The following MYO18B variants were observed in gnomAD, a reference collection of about 807,000 sequenced individuals.
MYO18B encodes the protein myosin XVIIIB.
MYO18B carries 204 observed loss-of-function variants against 273.0 expected under a neutral mutation model. The observed-to-expected ratio is 0.75, with a 90% CI of 0.67 to 0.84. The LOEUF (loss-of-function observed/expected upper bound fraction) is 0.84. MYO18B is among the 40% of genes least tolerant of loss of function. The pLI, the probability that MYO18B is intolerant of heterozygous loss-of-function variation, is 0.00. For missense variants in MYO18B, 3,212 were observed against 3,287.6 expected, an observed-to-expected ratio of 0.98 and a Z score of 0.56; for synonymous variants, 1,330 against 1,305.7, an observed-to-expected ratio of 1.02 and a Z score of -0.40.
At chr22:25,869,430 A>G (rs1164537932) in intron 22 of MYO18B, among the ~76,000 whole-genome samples, 1 of 144,092 alleles carries the variant, frequency 6.9e-6, no homozygotes, top group Non-Finnish European at 1.5e-5. Context: ...AGCCTGGGCA[A>G]TAGAACAATA....
intron 39 of MYO18B, among the ~76,000 whole-genome samples, chr22:25,979,099 C>T (rs1404491901): frequency 6.6e-6 from 1 of 152,132 alleles, no homozygotes; most frequent in African/African-American, 2.4e-5. Context: ...TAAATTGTTC[C>T]CACGCTACAC....
intron 12 of MYO18B, among the ~76,000 whole-genome samples, chr22:25,801,841 A>G (rs2088209453): frequency 6.6e-6 from 1 of 152,210 alleles, no homozygotes; most frequent in South Asian, 2.1e-4. Context: ...AGTTTCACGC[A>G]TATTCCTCAG....
intron 12 of MYO18B, among the ~76,000 whole-genome samples, chr22:25,817,086 G>T (rs558432283): frequency 6.6e-6 from 1 of 152,118 alleles, no homozygotes; most frequent in African/African-American, 2.4e-5. Context: ...TCTCTCTCTC[G>T]CTCTCATTTT....
Position 25,780,114 on chromosome 22 carries a change from C to T in MYO18B, c.2127C>T (p.Ala709=). The change falls in exon 9 of 44, where the codon GCC becomes GCT. Residue 709 remains alanine (A), a synonymous_variant. Transcript: ENST00000335473. ...VLRAFGSVSM[A]HSRSATRFSM... is the part of the protein sequence containing the mutation. The stretch of plus-strand genomic sequence containing the variant: ...GGGCCTTCGGCTCTGTGTCCATGGC[C>T]CACAGCCGCAGTGCCACCCGGTTCT... 6.2e-7 allele frequency: 1 copy of T among 1,602,950 alleles called. No individual in the cohort carries two copies. Among genetic ancestry groups the T allele is most frequent in the Non-Finnish European group, 8.5e-7 (1 of 1,175,640 alleles).
At chr22:25,982,788 C>G (rs1356819380) in intron 39 of MYO18B, among the ~76,000 whole-genome samples, 1 of 152,178 alleles carries the variant, frequency 6.6e-6, no homozygotes, top group Non-Finnish European at 1.5e-5. Flanking sequence ...CCTTAAGATA[C>G]TCATATCTGC....
At chr22:25,799,131 T>TTGTGTGTG (rs61488241) in intron 12 of MYO18B, among the ~76,000 whole-genome samples, 37,123 of 144,998 alleles carry the variant, frequency 0.26, 5,624 homozygotes, top group Non-Finnish European at 0.34. Flanking sequence ...GTGTTTACGT[T>TTGTGTGTG]TGTGTGTGTG....
In MYO18B at chr22:25,766,364, CTAT is replaced by C. The variant is rs1188572622; in HGVS notation, c.199-1743_199-1741del. Among the ~76,000 whole-genome samples the C allele has an allele frequency of 1.4e-4, 21 of 152,104 alleles. 1 individual carries two copies. Among genetic ancestry groups the C allele is most frequent in the Non-Finnish European group, 4.4e-5 (3 of 68,020 alleles). On this transcript the variant is annotated intron_variant, in intron 3 of 43. Transcript: ENST00000335473. ...GCAAGGAAGATATAAATGATAGATA[CTAT>C]TATTATTGTGATTATTACAAAGATG...
intron 11 of MYO18B, among the ~76,000 whole-genome samples, chr22:25,791,742 G>C (rs145571704): frequency 6.6e-6 from 1 of 152,276 alleles, no homozygotes; most frequent in Admixed American, 6.5e-5. Flanking sequence ...GTTGTCAACT[G>C]TTAGGGAATG....
At position 26,026,887 on chromosome 22, in the gene MYO18B, G is replaced by T; in HGVS notation, c.6913G>T (p.Val2305Phe). 2 of 1,604,334 alleles carry T rather than the reference G, an allele frequency of 1.2e-6. No homozygotes were observed. The highest frequency in any genetic ancestry group is 1.7e-6 in the Non-Finnish European group (2 of 1,174,510). ...TGACGAGGGAAACCTCTCGCTGAGG[G>T]TTGGGGCAAAGTCACCCCTGGAAAT... is the stretch of plus-strand genomic sequence containing the variant. ...GSDEGNLSLR[V>F]GAKSPLEIEG... is the part of the protein sequence containing the mutation. Residue 2305 changes from valine (V) to phenylalanine (F), a missense_variant, in exon 43 of 44, where the codon GTT becomes TTT. Transcript: ENST00000335473.
intron 12 of MYO18B, among the ~76,000 whole-genome samples, chr22:25,820,246 A>T (rs2089225477): frequency 6.6e-6 from 1 of 151,848 alleles, no homozygotes; most frequent in Non-Finnish European, 1.5e-5. Context: ...TGACCAGTGC[A>T]GAGTAATTGG....
intron 11 of MYO18B, among the ~76,000 whole-genome samples, chr22:25,787,486 G>A (rs1337491248): frequency 6.6e-6 from 1 of 152,148 alleles, no homozygotes; most frequent in Non-Finnish European, 1.5e-5. Flanking sequence ...GTGAGGTGAT[G>A]TGTCTGCCCC....
chr22:25,959,858 C>T (rs937808723), intron 39 of MYO18B, among the ~76,000 whole-genome samples: 2 of 152,186 alleles, frequency 1.3e-5, no homozygotes, highest in Non-Finnish European at 2.9e-5. Context: ...CACCAGGTCA[C>T]CCTGCTGCCC....
At position 25,946,180 on chromosome 22, in the gene MYO18B, A is replaced by C. The variant is rs373225272; in HGVS notation, c.5561A>C (p.Gln1854Pro). Reference sequence around the variant, plus strand: ...AAGTGTGAGGAGGCCTTGAAGACGCAGAAGGTGCTCACAGCGGACCTGGAG... The same window carrying C: ...AAGTGTGAGGAGGCCTTGAAGACGCCGAAGGTGCTCACAGCGGACCTGGAG... ...EAKCEEALKT[Q>P]KVLTADLESM... The change falls in exon 35 of 44, where the codon CAG becomes CCG. Residue 1854 changes from glutamine (Q) to proline (P), a missense_variant. Gln to Pro is a moderately conservative substitution (Grantham distance 76). Transcript: ENST00000335473. The C allele has an allele frequency of 7.0e-6, 11 of 1,580,712 alleles. No individual in the cohort carries two copies. Among genetic ancestry groups the C allele is most frequent in the Non-Finnish European group, 8.6e-6 (10 of 1,166,278 alleles).
chr22:25,930,002 C>A (rs1167662076), intron 34 of MYO18B, among the ~76,000 whole-genome samples: 2 of 152,158 alleles, frequency 1.3e-5, no homozygotes, highest in Admixed American at 6.5e-5. Context: ...TTGGCACCTA[C>A]CCTCCTGTCA....
chr22:26,019,501 G>A (rs141337839), intron 42 of MYO18B, among the ~76,000 whole-genome samples: 120 of 152,316 alleles, frequency 7.9e-4, no homozygotes, highest in African/African-American at 2.8e-3. Flanking sequence ...CTAATGATGT[G>A]CTATTTACCT....
intron 9 of MYO18B, 113 bp downstream of exon 9, chr22:25,780,311 G>T (rs1601671426): frequency 7.7e-7 from 1 of 1,302,240 alleles, no homozygotes; most frequent in East Asian, 2.6e-5. Flanking sequence ...GTCTGAAATG[G>T]TCATGGCGGT....
chr22:26,003,427 G>A (rs1200283906), intron 41 of MYO18B, 118 bp downstream of exon 41: 3 of 849,306 alleles, frequency 3.5e-6, no homozygotes, highest in Non-Finnish European at 5.9e-6. Context: ...ATGCCCATGA[G>A]ACTAATGCCT....
chr22:25,852,647 C>T lies in MYO18B; in HGVS notation c.3885+1068C>T, dbSNP rs1601355015. On this transcript the variant is annotated intron_variant, in intron 21 of 43. Coordinates refer to ENST00000335473, the MANE Select transcript of MYO18B (RefSeq NM_032608.7). ...AAGAAGAGCTATTACACTCCATTTA[C>T]AAAAGAGAACACCACGTTTCTTAAG... is the stretch of plus-strand genomic sequence containing the variant. Among the ~76,000 whole-genome samples the T allele has an allele frequency of 2.6e-5, 4 of 152,330 alleles. No homozygotes were observed. In the East Asian group the frequency reaches 7.7e-4, roughly 29 times the overall value.
chr22:25,834,350 G>A (rs1226450265), intron 16 of MYO18B, among the ~76,000 whole-genome samples: 1 of 151,990 alleles, frequency 6.6e-6, no homozygotes, highest in Admixed American at 6.6e-5. Context: ...AGCGTGGGCT[G>A]GCTATCAGTT....
Sources: allele counts gnomAD v4.1 joint callset (sites outside exome capture counted in the v4.1 genomes callset), GRCh38; gene constraint gnomAD v4.1.1; transcripts MANE v1.5; gene names NCBI Gene and HGNC (gene_info 2026-07-23, HGNC 2026-07-21).